Variants in CACNA1C observed in about 807,000 individuals in gnomAD.
The protein encoded by CACNA1C is calcium voltage-gated channel subunit alpha1 C, also known as voltage-dependent L-type calcium channel subunit alpha-1C.
CACNA1C carries 30 observed loss-of-function variants against 229.0 expected under a neutral mutation model. That is an observed-to-expected ratio of 0.13 (90% CI 0.10 to 0.18). The LOEUF (loss-of-function observed/expected upper bound fraction) is 0.18. Ranked by LOEUF, CACNA1C falls within the 10% of genes least tolerant of loss-of-function variation. The pLI is 1.00. For missense variants in CACNA1C, 1,658 were observed against 2,845.0 expected (o/e 0.58, Z 9.49); for synonymous variants, 1,114 against 1,132.5 (o/e 0.98, Z 0.33).
intron 3 of CACNA1C, among the ~76,000 whole-genome samples, chr12:2,375,941 G>A (rs551863666): frequency 6.6e-6 from 1 of 152,338 alleles, no homozygotes. Context: ...CATGGGAGGA[G>A]TATCAAAGAC....
intron 3 of CACNA1C, among the ~76,000 whole-genome samples, chr12:2,246,352 A>C (rs1398840161): frequency 6.6e-6 from 1 of 152,192 alleles, no homozygotes; most frequent in Non-Finnish European, 1.5e-5. Context: ...TGAGCAGGAA[A>C]GTAATCTGCT....
Position 2,143,566 on chromosome 12 carries a change from G to A in CACNA1C, c.477+23136G>A, listed in dbSNP as rs117496777. Among the ~76,000 whole-genome samples the A allele has an allele frequency of 4.6e-5, 7 of 151,320 alleles. No homozygotes were observed. In the East Asian group the frequency reaches 9.6e-4, roughly 21 times the overall value. On this transcript the variant is annotated intron_variant, in intron 3 of 46. Transcript: ENST00000399655. ...CAGTGTTCAGTACAGTCTCAGGCAC[G>A]GTCAGAGGCCTGGGAGCACTAGGCT...
chr12:2,274,242 G>T (rs928285068), intron 3 of CACNA1C, among the ~76,000 whole-genome samples: 1 of 152,192 alleles, frequency 6.6e-6, no homozygotes, highest in African/African-American at 2.4e-5. Context: ...TCCTCTCAGA[G>T]GATATGAGCA....
intron 30 of CACNA1C, among the ~76,000 whole-genome samples, chr12:2,636,335 C>A (rs1303570078): frequency 2.0e-5 from 3 of 152,124 alleles, no homozygotes; most frequent in Non-Finnish European, 2.9e-5. Flanking sequence ...GCTCAGTCTG[C>A]AATTTTCTCC....
In CACNA1C at chr12:2,632,470, AG is replaced by A. The variant is rs1294156449; in HGVS notation, c.3829-1824del. On this transcript the variant is annotated intron_variant, in intron 29 of 46. Transcript: ENST00000399655. The surrounding 1 kb of genome is among the most constrained non-coding windows in gnomAD (Gnocchi z 4.1). ...TCATCCAGGACACCTGGGGTCCTATAGGGCCTCTGGGACAGCCCATTCCTTG... is the reference window on the plus strand; with the variant it reads ...TCATCCAGGACACCTGGGGTCCTATAGGCCTCTGGGACAGCCCATTCCTTG... 6.6e-6 allele frequency among the ~76,000 whole-genome samples: 1 copy of A among 152,202 alleles called. No homozygotes were observed. The highest frequency in any genetic ancestry group is 1.5e-5 in the Non-Finnish European group (1 of 68,032).
At chr12:2,427,283 G>A (rs149788885) in intron 3 of CACNA1C, among the ~76,000 whole-genome samples, 2 of 152,308 alleles carry the variant, frequency 1.3e-5, no homozygotes, top group African/African-American at 4.8e-5. Flanking sequence ...TGGTAGTGGG[G>A]TTTTCAGCTG....
At position 2,115,658 on chromosome 12, in the gene CACNA1C, C is replaced by T. The variant is rs560218033; in HGVS notation, c.371+113C>T. 4.1e-6 allele frequency: 4 copies of T among 985,840 alleles called. No homozygotes were observed. In the African/African-American group the frequency reaches 6.4e-5, roughly 16 times the overall value. 61.1% of individuals were successfully genotyped at this position (985,840 alleles called of 1,614,324 possible). A position where few individuals can be genotyped will look rare whatever the true frequency, so the allele number is the denominator to read the frequency against. ...CAGCTGTGCTGGGCTACAAACGGGG[C>T]CTCGGGCCTACTGCATCTGCATCAC... is the stretch of plus-strand genomic sequence containing the variant. On this transcript the variant is annotated intron_variant, in intron 2 of 46. Transcript: ENST00000399655.
At chr12:2,147,172 A>T (rs142909687) in intron 3 of CACNA1C, among the ~76,000 whole-genome samples, 7 of 151,338 alleles carry the variant, frequency 4.6e-5, no homozygotes, top group Admixed American at 2.0e-4. Context: ...GAGGGGGGGA[A>T]CCTCCAAAAT....
At chr12:2,450,450 A>G (rs983833167) in intron 4 of CACNA1C, among the ~76,000 whole-genome samples, 2 of 144,240 alleles carry the variant, frequency 1.4e-5, no homozygotes, top group Admixed American at 1.4e-4. Flanking sequence ...GCTACTCGGG[A>G]GGCTGAGGCA....
chr12:2,286,251 C>T (rs2092656757), intron 3 of CACNA1C, among the ~76,000 whole-genome samples: 1 of 152,214 alleles, frequency 6.6e-6, no homozygotes, highest in Non-Finnish European at 1.5e-5. Context: ...TTGCTGAGGC[C>T]TGGGAAACAG....
intron 29 of CACNA1C, among the ~76,000 whole-genome samples, chr12:2,620,399 T>C (rs1236953287): frequency 6.6e-6 from 1 of 152,212 alleles, no homozygotes; most frequent in Non-Finnish European, 1.5e-5. Flanking sequence ...GCCATGTTGT[T>C]GCTATGCGCT....
chr12:2,569,277 T>C (rs1411738159), intron 13 of CACNA1C, among the ~76,000 whole-genome samples: 3 of 152,306 alleles, frequency 2.0e-5, no homozygotes, highest in African/African-American at 7.2e-5. Flanking sequence ...TGGAATCCAT[T>C]TATTGGATCA....
chr12:2,032,126 C>T (rs1013773786), intron 1 of CACNA1C, among the ~76,000 whole-genome samples: 2 of 151,916 alleles, frequency 1.3e-5, no homozygotes, highest in African/African-American at 2.4e-5. Context: ...GCACGGCTTG[C>T]GGCAGTCTCG....
chr12:2,447,204 C>T (rs957465096), intron 3 of CACNA1C, among the ~76,000 whole-genome samples: 3 of 152,190 alleles, frequency 2.0e-5, no homozygotes, highest in Admixed American at 6.5e-5. Context: ...CCCTGATGTA[C>T]ATTTTAACCC....
intron 30 of CACNA1C, among the ~76,000 whole-genome samples, chr12:2,635,840 G>T (rs914036679): frequency 6.6e-6 from 1 of 152,072 alleles, no homozygotes. Context: ...GTCTGTGTGT[G>T]TGTGAGCATG....
At chr12:2,553,127 A>G (rs1347100439) in intron 10 of CACNA1C, among the ~76,000 whole-genome samples, 1 of 152,080 alleles carries the variant, frequency 6.6e-6, no homozygotes, top group Non-Finnish European at 1.5e-5. Flanking sequence ...GTGCCCACCA[A>G]CCTCCAGCTA....
intron 8 of CACNA1C, among the ~76,000 whole-genome samples, chr12:2,510,891 C>A (rs1329410849): frequency 6.6e-6 from 1 of 152,138 alleles, no homozygotes; most frequent in Non-Finnish European, 1.5e-5. Flanking sequence ...TCTCCAGGAG[C>A]AAGACTAAGG....
intron 2 of CACNA1C, among the ~76,000 whole-genome samples, chr12:2,116,685 A>T (rs1216356879): frequency 6.6e-6 from 1 of 152,110 alleles, no homozygotes; most frequent in Non-Finnish European, 1.5e-5. Context: ...AGGACCTTTA[A>T]GTGCTGAAGT....
rs571992388 is a variant in CACNA1C at position 2,229,780 on chromosome 12, G to A, written c.477+109350G>A. 3.2e-3 allele frequency among the ~76,000 whole-genome samples: 483 copies of A among 152,342 alleles called. 8 individuals are homozygous for A. Among genetic ancestry groups the A allele is most frequent in the Middle Eastern group, 0.024 (7 of 294 alleles). ...CGAACGGCCTGGCAGGCTCAAGGGC[G>A]AGGGAGCGGCATGAGCAGGGTGGGC... On this transcript the variant is annotated intron_variant, in intron 3 of 46. Transcript: ENST00000399655.
Sources: gnomAD v4.1 joint callset for allele counts (sites outside exome capture counted in the v4.1 genomes callset) on GRCh38, gnomAD v4.1.1 for gene constraint, Gnocchi (gnomAD v3.1) non-coding constraint, MANE v1.5 for transcripts, NCBI Gene and HGNC (gene_info 2026-07-23, HGNC 2026-07-21) for gene names.